Variants in NLRP1 observed in about 807,000 individuals in gnomAD.
The protein encoded by NLRP1 is NACHT, LRR and PYD domains-containing protein 1.
In NLRP1, 94 loss-of-function variants were observed where a neutral mutation model predicts 136.7. That is an observed-to-expected ratio of 0.69 (90% confidence interval 0.58 to 0.82). NLRP1 has a LOEUF of 0.82. NLRP1 is among the 40% of genes least tolerant of loss of function. The pLI, the probability that NLRP1 is intolerant of heterozygous loss-of-function variation, is 0.00. For synonymous variants in NLRP1, 690 were observed against 725.1 expected, an observed-to-expected ratio of 0.95 and a Z score of 0.78; for missense variants, 1,575 against 1,802.7, an observed-to-expected ratio of 0.87 and a Z score of 2.29.
At chr17:5,547,199 CTAAA>C (rs1912779056) in intron 5 of NLRP1, among the ~76,000 whole-genome samples, 2 of 152,080 alleles carry the variant, frequency 1.3e-5, no homozygotes, top group South Asian at 4.1e-4. Context: ...ATACATGACC[CTAAA>C]TACATAGCAT....
chr17:5,551,919 A>G (rs1227372625), intron 5 of NLRP1, among the ~76,000 whole-genome samples: 3 of 151,972 alleles, frequency 2.0e-5, no homozygotes, highest in African/African-American at 7.3e-5. Flanking sequence ...ACAGGCACAC[A>G]TCATCATTCT....
At position 5,558,961 on chromosome 17, in the gene NLRP1, T is replaced by C. The variant is rs199672615; in HGVS notation, c.1735A>G (p.Ile579Val). 6.2e-7 allele frequency: 1 copy of C among 1,614,192 alleles called. No individual in the cohort carries two copies. Among genetic ancestry groups the C allele is most frequent in the Middle Eastern group, 1.6e-4 (1 of 6,062 alleles). ...RDLCSLAAEG[I>V]WQKKTLFSPD... The stretch of plus-strand genomic sequence containing the variant: ...CTGAAAAGGGTCTTTTTTTGCCAGA[T>C]GCCCTCAGCAGCCAGAGAGCAGAGG... Residue 579 changes from isoleucine (I) to valine (V), a missense_variant, in exon 4 of 17, where the codon ATC becomes GTC. Physicochemically the swap from Ile to Val is conservative, Grantham distance 29. Coordinates refer to ENST00000572272, the MANE Select transcript of NLRP1 (RefSeq NM_033004.4).
At chr17:5,515,610 T>A in intron 15 of NLRP1, 93 bp from the exon 16 acceptor site, 1 of 1,029,596 alleles carries the variant, frequency 9.7e-7, no homozygotes, top group South Asian at 1.3e-5. Context: ...CTTCTGAGAT[T>A]CTTTGATTTA....
chr17:5,574,615 G>C (rs1904814708), intron 3 of NLRP1, among the ~76,000 whole-genome samples: 2 of 150,952 alleles, frequency 1.3e-5, no homozygotes, highest in African/African-American at 4.9e-5. Context: ...TCTCTCGGCA[G>C]AAACTCTACA....
At chr17:5,576,741 T>A (rs1905059282) in intron 3 of NLRP1, among the ~76,000 whole-genome samples, 1 of 151,968 alleles carries the variant, frequency 6.6e-6, no homozygotes, top group Admixed American at 6.6e-5. Flanking sequence ...AAAGAAGGAA[T>A]CCTCCCTAAC....
intron 8 of NLRP1, among the ~76,000 whole-genome samples, chr17:5,534,275 G>T (rs1910739870): frequency 6.6e-6 from 1 of 152,146 alleles, no homozygotes; most frequent in Admixed American, 6.5e-5. Context: ...AGGCTGAAGT[G>T]GGAGGATCAC....
chr17:5,537,431 C>T lies in NLRP1; in HGVS notation c.2871-491G>A, dbSNP rs1353916009. ...GTCCTGGGATTTTCTTCCCAGTGGT[C>T]GGAAGTTTTGCTGGGAAGAGAGAGT... On this transcript the variant is annotated intron_variant, in intron 7 of 16. Coordinates refer to ENST00000572272, the MANE Select transcript of NLRP1 (RefSeq NM_033004.4). This position sits in a 1 kb window ranked among gnomAD's most constrained non-coding sequence, Gnocchi z 4.5. Among the ~76,000 whole-genome samples the T allele has an allele frequency of 6.6e-6, 1 of 152,100 alleles. No individual in the cohort carries two copies. Among genetic ancestry groups the T allele is most frequent in the Non-Finnish European group, 1.5e-5 (1 of 68,010 alleles).
Position 5,567,132 on chromosome 17 carries a change from C to T in NLRP1, c.653-7089G>A, listed in dbSNP as rs551798417. Reference sequence around the variant, plus strand: ...TTTCATTCATTCAGCCAGTCTATGTCTTTTGATTGGATAGTTTAATCCATT... The same window carrying T: ...TTTCATTCATTCAGCCAGTCTATGTTTTTTGATTGGATAGTTTAATCCATT... On this transcript the variant is annotated intron_variant, in intron 3 of 16. Coordinates refer to ENST00000572272, the MANE Select transcript of NLRP1 (RefSeq NM_033004.4). Among the ~76,000 whole-genome samples the T allele has an allele frequency of 9.3e-4, 142 of 152,044 alleles. 1 individual carries two copies. Among genetic ancestry groups the T allele is most frequent in the South Asian group, 1.7e-3 (8 of 4,818 alleles).
At chr17:5,553,651 T>G (rs1913661702) in intron 4 of NLRP1, 95 bp from the exon 5 acceptor site, 2 of 1,157,028 alleles carry the variant, frequency 1.7e-6, no homozygotes, top group Non-Finnish European at 2.5e-6. Flanking sequence ...TTTGTCCCCC[T>G]GAGCACCAGG....
rs1020897098 is a variant in NLRP1, at chr17:5,517,804, C to G, written c.3999G>C (p.Arg1333Ser). The G allele has an allele frequency of 6.2e-7, 1 of 1,614,198 alleles. No individual in the cohort carries two copies. Among genetic ancestry groups the G allele is most frequent in the African/African-American group, 1.3e-5 (1 of 75,052 alleles). Residue 1333 changes from arginine (R) to serine (S), a missense_variant, in exon 15 of 17, where the codon AGG becomes AGC. Coordinates refer to ENST00000572272, the MANE Select transcript of NLRP1 (RefSeq NM_033004.4). ...CATCTTTCTTGTCTTTCACTTGCAGCCTGATCCCTGATCCCAAGTGGCCAA... is the reference window on the plus strand; with the variant it reads ...CATCTTTCTTGTCTTTCACTTGCAGGCTGATCCCTGATCCCAAGTGGCCAA... The part of the protein sequence containing the change: ...FYVGHLGSGI[R>S]LQVKDKKDET...
At chr17:5,532,095 T>G (rs1243497429) in intron 11 of NLRP1, among the ~76,000 whole-genome samples, 1 of 152,114 alleles carries the variant, frequency 6.6e-6, no homozygotes, top group Non-Finnish European at 1.5e-5. Context: ...AATACAATTT[T>G]CATTTTTCAC....
chr17:5,533,354 T>G lies in NLRP1; in HGVS notation c.3083A>C (p.Asn1028Thr). 1.4e-6 allele frequency: 2 copies of G among 1,409,440 alleles called. No individual in the cohort carries two copies. The highest frequency in any genetic ancestry group is 2.0e-6 in the Non-Finnish European group (2 of 1,017,424). The allele number at this position is 1,409,440 out of a possible 1,614,324, so 87.3% of individuals were successfully genotyped here. ...ERAASHVAQA[N>T]LKLLDVSKIF... Reference sequence around the variant, plus strand: ...CTTGCTCACGTCCAGGAGTTTGAGATTAGCCTGAGCAACATGGGAAGCCGC... The same window carrying G: ...CTTGCTCACGTCCAGGAGTTTGAGAGTAGCCTGAGCAACATGGGAAGCCGC... Residue 1028 changes from asparagine (N) to threonine (T), a missense_variant, in exon 10 of 17, where the codon AAT (asparagine) becomes ACT (threonine). Coordinates refer to ENST00000572272, the MANE Select transcript of NLRP1 (RefSeq NM_033004.4).
intron 3 of NLRP1, among the ~76,000 whole-genome samples, chr17:5,566,510 T>A (rs1008902477): frequency 1.3e-5 from 2 of 152,134 alleles, no homozygotes; most frequent in African/African-American, 4.8e-5. Context: ...TTTTATTGCA[T>A]TGTGGTCAGA....
chr17:5,576,140 A>G (rs866060968), intron 3 of NLRP1, among the ~76,000 whole-genome samples: 2 of 152,336 alleles, frequency 1.3e-5, no homozygotes, highest in Middle Eastern at 3.4e-3. Flanking sequence ...GTAGAGGGAA[A>G]TTTATAGCAC....
At chr17:5,562,890 A>G (rs1914919456) in intron 3 of NLRP1, among the ~76,000 whole-genome samples, 1 of 152,138 alleles carries the variant, frequency 6.6e-6, no homozygotes, top group Non-Finnish European at 1.5e-5. Context: ...CGGACTGGGA[A>G]CACCTTGGCC....
chr17:5,560,065 G>A, intron 3 of NLRP1, 22 bp from the exon 4 acceptor site: 1 of 1,526,002 alleles, frequency 6.6e-7, no homozygotes, highest in Non-Finnish European at 8.8e-7. Flanking sequence ...AGGGAAAGAA[G>A]GAACATAAAG....
At chr17:5,567,262 C>G (rs2151813611) in intron 3 of NLRP1, among the ~76,000 whole-genome samples, 1 of 151,966 alleles carries the variant, frequency 6.6e-6, no homozygotes, top group East Asian at 1.9e-4. Context: ...CTGTCTTCCT[C>G]TAGTGAAGAT....
chr17:5,538,706 T>A (rs1191574183), intron 7 of NLRP1, among the ~76,000 whole-genome samples: 1 of 152,064 alleles, frequency 6.6e-6, no homozygotes, highest in African/African-American at 2.4e-5. Flanking sequence ...GTCTGGTGCT[T>A]ACACACGGGA....
chr17:5,581,628 T>C (rs943830718), intron 3 of NLRP1, among the ~76,000 whole-genome samples: 1 of 152,150 alleles, frequency 6.6e-6, no homozygotes, highest in African/African-American at 2.4e-5. Flanking sequence ...CCTTGCTCTG[T>C]TGTCCCCCAG....
Sources: gnomAD v4.1 joint callset for allele counts (sites outside exome capture counted in the v4.1 genomes callset) on GRCh38, gnomAD v4.1.1 for gene constraint, Gnocchi (gnomAD v3.1) non-coding constraint, MANE v1.5 for transcripts, NCBI Gene and HGNC (gene_info 2026-07-23, HGNC 2026-07-21) for gene names.